PDGFB: variants seen among roughly 807,000 people sequenced by gnomAD.
PDGFB encodes platelet-derived growth factor subunit B.
Under a neutral mutation model 29.0 loss-of-function variants are expected in PDGFB, and 6 were observed. The ratio of observed to expected loss-of-function variants is 0.21; its 90% confidence interval spans 0.11 to 0.41. The LOEUF (loss-of-function observed/expected upper bound fraction) is 0.41. PDGFB is among the 10% of genes least tolerant of loss of function. The pLI is 1.00. For missense variants in PDGFB, 299 were observed against 341.8 expected (o/e 0.87, Z 0.99); for synonymous variants, 144 against 140.8 (o/e 1.02, Z -0.16).
intron 2 of PDGFB, among the ~76,000 whole-genome samples, chr22:39,234,849 C>T (rs1173059231): frequency 6.6e-6 from 1 of 152,162 alleles, no homozygotes; most frequent in Non-Finnish European, 1.5e-5. Context: ...GGTGTAAAGG[C>T]TTGGAAAGAA....
Position 39,231,979 on chromosome 22 carries a change from G to C in PDGFB, c.251-152C>G, listed in dbSNP as rs1932320095. 9.2e-6 allele frequency: 6 copies of C among 653,354 alleles called. No homozygotes were observed. In the Admixed American group the frequency reaches 1.7e-4, roughly 18 times the overall value. 40.5% of individuals were successfully genotyped at this position (653,354 alleles called of 1,614,324 possible). ...TCAAGTCCTGGCTGTCATTAGCCAT[G>C]GGACTTGGGCAGATGGCTGAGCCAC... On this transcript the variant is annotated intron_variant, in intron 3 of 6. Coordinates refer to ENST00000331163, the MANE Select transcript of PDGFB (RefSeq NM_002608.4). This position sits in a 1 kb window ranked among gnomAD's most constrained non-coding sequence, Gnocchi z 4.3.
intron 1 of PDGFB, among the ~76,000 whole-genome samples, chr22:39,239,189 C>T (rs1932512235): frequency 6.6e-6 from 1 of 152,202 alleles, no homozygotes; most frequent in Non-Finnish European, 1.5e-5. Flanking sequence ...TTCCGGATGG[C>T]TCCTTTGTGG....
intron 5 of PDGFB, among the ~76,000 whole-genome samples, chr22:39,227,259 A>T (rs1426644606): frequency 6.6e-6 from 1 of 150,630 alleles, no homozygotes; most frequent in Non-Finnish European, 1.5e-5. Flanking sequence ...ACACCTGGTT[A>T]ATTTTTGTAT....
At chr22:39,226,707 A>G (rs4990915) in intron 5 of PDGFB, among the ~76,000 whole-genome samples, 56,365 of 151,792 alleles carry the variant, frequency 0.37, 10,954 homozygotes, top group Middle Eastern at 0.49. Context: ...CCAACCTCTC[A>G]GCCCCGTCCG....
chr22:39,240,703 G>C, intron 1 of PDGFB: 4 of 852,014 alleles, frequency 4.7e-6, no homozygotes, highest in Non-Finnish European at 6.0e-6. Context: ...TTCTAAAAGT[G>C]GGGACCAGGA....
chr22:39,243,252 GTCTCTCTCTCTC>G lies in PDGFB; in HGVS notation c.63+637_63+648del, dbSNP rs79409466. Among the ~76,000 whole-genome samples, 1 of 143,794 alleles carries G rather than the reference GTCTCTCTCTCTC, an allele frequency of 7.0e-6. No individual in the cohort carries two copies. Among genetic ancestry groups the G allele is most frequent in the African/African-American group, 2.7e-5 (1 of 36,802 alleles). 94.3% of individuals were successfully genotyped at this position (143,794 alleles called of 152,430 possible). A position where few individuals can be genotyped will look rare whatever the true frequency, so the allele number is the denominator to read the frequency against. On this transcript the variant is annotated intron_variant, in intron 1 of 6. Coordinates refer to ENST00000331163, the MANE Select transcript of PDGFB (RefSeq NM_002608.4). This position sits in a 1 kb window ranked among gnomAD's most constrained non-coding sequence, Gnocchi z 6.4. ...CCTCTCTCTCTCCGTCTCTCTCTCC[GTCTCTCTCTCTC>G]TCTCTCTCTTTCTCTCTCTCTCTCT...
chr22:39,228,454 T>C (rs1932218312), intron 5 of PDGFB, among the ~76,000 whole-genome samples: 1 of 151,792 alleles, frequency 6.6e-6, no homozygotes, highest in African/African-American at 2.4e-5. Flanking sequence ...CTGGACGTGG[T>C]GGCACATGCC....
intron 3 of PDGFB, 116 bp downstream of exon 3, chr22:39,233,319 G>A (rs1433671673): frequency 4.5e-6 from 3 of 672,654 alleles, no homozygotes; most frequent in East Asian, 3.1e-5. Flanking sequence ...TGAATGTGGG[G>A]GGAACGGGAG....
rs1932607739 is a variant in PDGFB, at chr22:39,243,141, C to A, written c.63+760G>T. 1 of 233,092 alleles carries A rather than the reference C, an allele frequency of 4.3e-6. No homozygotes were observed. The allele number at this position is 233,092 out of a possible 1,614,324, so 14.4% of individuals were successfully genotyped here. A position where few individuals can be genotyped will look rare whatever the true frequency, so the allele number is the denominator to read the frequency against. ...GTACGGCAAGGCCTCAGGCACACAG[C>A]GCCCCGGGGGCTGGATTCCTTCAGA... is the stretch of plus-strand genomic sequence containing the variant. On this transcript the variant is annotated intron_variant, in intron 1 of 6. Transcript: ENST00000331163. This position sits in a 1 kb window ranked among gnomAD's most constrained non-coding sequence, Gnocchi z 6.4.
rs914575595 is a variant in PDGFB, at chr22:39,230,123, G to C, written c.562C>G (p.Pro188Ala). ...CKCETVAAAR[P>A]VTRSPGGSQE... is the part of the protein sequence containing the mutation. ...GAACCCCCCGGGCTTCGGGTCACAG[G>C]CCGTGCAGCTGCCACTGTCTCACAC... The change falls in exon 5 of 7, where the codon CCT (proline) becomes GCT (alanine). Residue 188 changes from proline to alanine, a missense_variant. By Grantham distance (27) the Pro-to-Ala change is conservative. Transcript: ENST00000331163. 5 of 1,613,896 alleles carry C rather than the reference G, an allele frequency of 3.1e-6. No individual in the cohort carries two copies. The highest frequency in any genetic ancestry group is 3.4e-6 in the Non-Finnish European group (4 of 1,180,032).
intron 5 of PDGFB, among the ~76,000 whole-genome samples, chr22:39,227,532 G>A (rs1228580109): frequency 6.6e-6 from 1 of 152,132 alleles, no homozygotes; most frequent in Non-Finnish European, 1.5e-5. Flanking sequence ...TTCCCTTCAC[G>A]GCAGGTGCTG....
At chr22:39,226,067 G>A (rs1932158854) in intron 5 of PDGFB, among the ~76,000 whole-genome samples, 1 of 152,198 alleles carries the variant, frequency 6.6e-6, no homozygotes, top group Admixed American at 6.5e-5. Context: ...TCCATCTGTG[G>A]AATGGGGGTA....
chr22:39,233,858 G>A (rs1182555131), intron 2 of PDGFB, among the ~76,000 whole-genome samples: 1 of 152,122 alleles, frequency 6.6e-6, no homozygotes, highest in Non-Finnish European at 1.5e-5. Context: ...CGGGACCTAG[G>A]GCACTGAAGG....
At chr22:39,229,741 A>G (rs901046076) in intron 5 of PDGFB, among the ~76,000 whole-genome samples, 7 of 152,214 alleles carry the variant, frequency 4.6e-5, no homozygotes, top group African/African-American at 7.2e-5. Flanking sequence ...AGAAGGAGCT[A>G]GGCTTGTGGA....
intron 5 of PDGFB, among the ~76,000 whole-genome samples, chr22:39,226,916 T>G (rs890381886): frequency 6.6e-6 from 1 of 152,218 alleles, no homozygotes; most frequent in African/African-American, 2.4e-5. Flanking sequence ...ATCGTGGACA[T>G]TGGAGCAAGT....
chr22:39,226,785 G>A lies in PDGFB; in HGVS notation c.602-938C>T, dbSNP rs147356003. Among the ~76,000 whole-genome samples the A allele has an allele frequency of 2.5e-3, 388 of 152,244 alleles. 1 individual carries two copies. Among genetic ancestry groups the A allele is most frequent in the African/African-American group, 8.3e-3 (345 of 41,536 alleles). ...ACTCCCACCATGAAGCTGGGCCTTC[G>A]GGTCAGTTGTGCCTGTCACCTACCT... On this transcript the variant is annotated intron_variant, in intron 5 of 6. Coordinates refer to ENST00000331163, the MANE Select transcript of PDGFB (RefSeq NM_002608.4).
rs578133598 is a variant in PDGFB at position 39,244,801 on chromosome 22, C to CT, written c.-839dup. On this transcript the variant is annotated 5_prime_UTR_variant, in exon 1 of 7. Transcript: ENST00000331163. The surrounding 1 kb of genome is among the most constrained non-coding windows in gnomAD (Gnocchi z 4.5). ...CTTTGCAGCGAGGCTGGAGGGTGGGCTTTTTTTTTTTTTTTTCCTTTTTGC... is the reference window on the plus strand; with the variant it reads ...CTTTGCAGCGAGGCTGGAGGGTGGGCTTTTTTTTTTTTTTTTTCCTTTTTGC... 3,501 of 158,560 alleles carry CT rather than the reference C, an allele frequency of 0.022. 45 individuals carry two copies. The highest frequency in any genetic ancestry group is 0.057 in the East Asian group (583 of 10,260). 9.8% of individuals were successfully genotyped at this position (158,560 alleles called of 1,614,324 possible).
chr22:39,240,894 G>GTCTCTC lies in PDGFB; in HGVS notation c.63+3001_63+3006dup, dbSNP rs58537895. ...ACATCTCACCATTCCTGCTCAGTCAGTCTCTCTCTCTCTCTCTCTCAGATG... is the reference window on the plus strand; with the variant it reads ...ACATCTCACCATTCCTGCTCAGTCAGTCTCTCTCTCTCTCTCTCTCTCTCTCAGATG... On this transcript the variant is annotated intron_variant, in intron 1 of 6. Coordinates refer to ENST00000331163, the MANE Select transcript of PDGFB (RefSeq NM_002608.4). The GTCTCTC allele has an allele frequency of 2.0e-3, 2,953 of 1,481,220 alleles. 2 individuals carry two copies. The highest frequency in any genetic ancestry group is 2.3e-3 in the Non-Finnish European group (2,510 of 1,073,542). The allele number at this position is 1,481,220 out of a possible 1,614,324, so 91.8% of individuals were successfully genotyped here.
intron 6 of PDGFB, 26 bp downstream of exon 6, chr22:39,225,669 C>A: frequency 6.3e-7 from 1 of 1,586,432 alleles, no homozygotes; most frequent in Non-Finnish European, 8.6e-7. Flanking sequence ...GGATTCTGGG[C>A]CTCAGTTGCC....
Sources: gnomAD v4.1 joint callset for allele counts (sites outside exome capture counted in the v4.1 genomes callset) on GRCh38, gnomAD v4.1.1 for gene constraint, Gnocchi (gnomAD v3.1) non-coding constraint, MANE v1.5 for transcripts, NCBI Gene and HGNC (gene_info 2026-07-23, HGNC 2026-07-21) for gene names.